UBN2: variants seen among roughly 807,000 people sequenced by gnomAD.
UBN2 encodes the protein ubinuclein 2.
A neutral mutation model predicts 120.2 loss-of-function variants in UBN2; 35 were observed. The ratio of observed to expected loss-of-function variants is 0.29; its 90% confidence interval spans 0.22 to 0.39. The LOEUF (loss-of-function observed/expected upper bound fraction) is 0.39, where lower values mean the gene tolerates loss of function less well. Among genes scored for constraint, UBN2 ranks in the 10% least tolerant of loss-of-function variants. The pLI, the probability that UBN2 is intolerant of heterozygous loss-of-function variation, is 1.00. For synonymous variants in UBN2, 661 were observed against 648.7 expected, an observed-to-expected ratio of 1.02 and a Z score of -0.29; for missense variants, 1,693 against 1,663.2, an observed-to-expected ratio of 1.02 and a Z score of -0.31.
At chr7:139,278,832 T>A (rs1028494225) in intron 12 of UBN2, among the ~76,000 whole-genome samples, 1 of 152,128 alleles carries the variant, frequency 6.6e-6, no homozygotes, top group Non-Finnish European at 1.5e-5. Flanking sequence ...TTCAAACTTT[T>A]TCTTAGTTTT....
At chr7:139,309,052 C>T (rs575854896), downstream of UBN2, among the ~76,000 whole-genome samples, 1 of 151,956 alleles carries the variant, frequency 6.6e-6, no homozygotes, top group East Asian at 1.9e-4. Context: ...GGTGACAGAG[C>T]GAGACTCCGT....
the UBN2 span, among the ~76,000 whole-genome samples, chr7:139,320,896 A>G: frequency 6.6e-6 from 1 of 152,106 alleles, no homozygotes; most frequent in South Asian, 2.1e-4. Flanking sequence ...TATTTTGTAT[A>G]AAAAGTCATA....
chr7:139,281,895 A>C (rs1234889473), intron 13 of UBN2, 110 bp from the exon 14 acceptor site: 1 of 946,106 alleles, frequency 1.1e-6, no homozygotes, highest in Non-Finnish European at 1.7e-6. Flanking sequence ...TGTACTTCCA[A>C]TTGGTAGTGA....
Position 139,293,953 on chromosome 7 carries a change from G to A in UBN2, c.3966G>A (p.Leu1322=), listed in dbSNP as rs61748979. 40 of 1,613,906 alleles carry A rather than the reference G, an allele frequency of 2.5e-5. No individual in the cohort carries two copies. The African/African-American group carries it at 5.1e-4, about 20-fold the overall frequency. Residue 1322 remains leucine, a synonymous_variant, in exon 17 of 18, where the codon CTG becomes CTA. Coordinates refer to ENST00000473989, the MANE Select transcript of UBN2 (RefSeq NM_173569.4). ...QHAATLSHSP[L]PAHLQQAFHD... ...CAGCAACGCTTTCCCACTCACCTCT[G>A]CCTGCACACTTACAGCAAGCATTTC...
the UBN2 span, among the ~76,000 whole-genome samples, chr7:139,324,592 C>A: frequency 6.8e-6 from 1 of 147,778 alleles, no homozygotes; most frequent in Non-Finnish European, 1.5e-5. Flanking sequence ...GAAACTTATG[C>A]TATGAAGAGA....
intron 16 of UBN2, 64 bp downstream of exon 16, chr7:139,293,527 TTATTC>T: frequency 7.1e-7 from 1 of 1,416,940 alleles, no homozygotes; most frequent in Non-Finnish European, 9.9e-7. Flanking sequence ...CCTCACAAAT[TTATTC>T]TAATTAAGAG....
chr7:139,319,387 A>G, the UBN2 span, among the ~76,000 whole-genome samples: 1 of 152,010 alleles, frequency 6.6e-6, no homozygotes, highest in African/African-American at 2.4e-5. Flanking sequence ...CCGGTCCACA[A>G]GAGTCTTGAT....
At chr7:139,288,223 G>C (rs1797846068) in intron 15 of UBN2, among the ~76,000 whole-genome samples, 1 of 152,180 alleles carries the variant, frequency 6.6e-6, no homozygotes, top group East Asian at 1.9e-4. Flanking sequence ...AGGAAGACAA[G>C]GAAAAATACA....
At chr7:139,247,109 A>T (rs1353691042) in intron 2 of UBN2, among the ~76,000 whole-genome samples, 1 of 151,966 alleles carries the variant, frequency 6.6e-6, no homozygotes, top group East Asian at 1.9e-4. Flanking sequence ...TGGTAACTGT[A>T]TGCTTAATAA....
At chr7:139,232,523 A>T (rs1189575599) in intron 1 of UBN2, among the ~76,000 whole-genome samples, 1 of 152,230 alleles carries the variant, frequency 6.6e-6, no homozygotes, top group Admixed American at 6.5e-5. Context: ...AAAGGTTTTC[A>T]GAGACTAAGG....
downstream of UBN2, among the ~76,000 whole-genome samples, chr7:139,310,520 C>T (rs556732879): frequency 1.1e-4 from 16 of 152,228 alleles, no homozygotes; most frequent in South Asian, 3.3e-3. Context: ...CCTGTAATCC[C>T]AGTACTTTGG....
intron 1 of UBN2, among the ~76,000 whole-genome samples, chr7:139,233,875 A>G (rs1796094686): frequency 6.6e-6 from 1 of 152,092 alleles, no homozygotes; most frequent in Admixed American, 6.5e-5. Flanking sequence ...GAAAAATTCC[A>G]TTTAATTTTT....
At chr7:139,252,172 G>T in intron 3 of UBN2, 115 bp downstream of exon 3, 1 of 787,098 alleles carries the variant, frequency 1.3e-6, no homozygotes, top group Non-Finnish European at 2.0e-6. Flanking sequence ...GCTTTTTAAA[G>T]CCATGTTCAC....
At chr7:139,330,168 G>T in the UBN2 span, among the ~76,000 whole-genome samples, 1 of 152,108 alleles carries the variant, frequency 6.6e-6, no homozygotes, top group Non-Finnish European at 1.5e-5. Flanking sequence ...CTTGGAAAAA[G>T]AACTATTTGC....
intron 2 of UBN2, among the ~76,000 whole-genome samples, chr7:139,239,972 A>G (rs754575748): frequency 1.3e-5 from 2 of 152,226 alleles, no homozygotes; most frequent in Non-Finnish European, 2.9e-5. Context: ...ATGACGCACT[A>G]CCTTAAAGTT....
At chr7:139,295,461 G>A (rs1436550003) in intron 17 of UBN2, among the ~76,000 whole-genome samples, 2 of 152,118 alleles carry the variant, frequency 1.3e-5, no homozygotes, top group African/African-American at 4.8e-5. Flanking sequence ...TGGCATGAAT[G>A]TGGCCACCTG....
intron 17 of UBN2, among the ~76,000 whole-genome samples, 186 bp from the exon 18 acceptor site, chr7:139,297,601 G>A (rs146144437): frequency 1.3e-5 from 2 of 152,244 alleles, no homozygotes; most frequent in Non-Finnish European, 2.9e-5. Flanking sequence ...TTGTTGTTGA[G>A]TTTTTATCTC....
rs1296668175 is a variant in UBN2 at position 139,300,372 on chromosome 7, G to A, written c.*2536G>A. The A allele has an allele frequency of 6.6e-6, 1 of 152,040 alleles. No homozygotes were observed. Among genetic ancestry groups the A allele is most frequent in the Non-Finnish European group, 1.5e-5 (1 of 68,016 alleles). The allele number at this position is 152,040 out of a possible 1,614,324, so 9.4% of individuals were successfully genotyped here. ...TGTATAGATAAAGTATGATCAGAGA[G>A]TTTCTACATGTAAATAGTAATCTAT... On this transcript the variant is annotated 3_prime_UTR_variant, in exon 18 of 18. Coordinates refer to ENST00000473989, the MANE Select transcript of UBN2 (RefSeq NM_173569.4).
At position 139,304,620 on chromosome 7, in the gene UBN2, G is replaced by GT. The variant is rs1585039001; in HGVS notation, c.*6786dup. 1.3e-5 allele frequency: 2 copies of GT among 152,006 alleles called. No individual in the cohort carries two copies. Among genetic ancestry groups the GT allele is most frequent in the East Asian group, 1.9e-4 (1 of 5,176 alleles). 9.4% of individuals were successfully genotyped at this position (152,006 alleles called of 1,614,324 possible). A position where few individuals can be genotyped will look rare whatever the true frequency, so the allele number is the denominator to read the frequency against. ...AACCAGTGTTACCAGGTTCAAGTGA[G>GT]TTAGTAGAAAGCACCAGGTCCAAGC... On this transcript the variant is annotated 3_prime_UTR_variant, in exon 18 of 18. Transcript: ENST00000473989.
Sources: gnomAD v4.1 joint callset for allele counts (sites outside exome capture counted in the v4.1 genomes callset) on GRCh38, gnomAD v4.1.1 for gene constraint, MANE v1.5 for transcripts, NCBI Gene and HGNC (gene_info 2026-07-23, HGNC 2026-07-21) for gene names.